The following ROBO2 variants were observed in gnomAD, a reference collection of about 807,000 sequenced individuals.
The protein encoded by ROBO2 is roundabout homolog 2.
ROBO2 carries 53 observed loss-of-function variants against 160.8 expected under a neutral mutation model. The ratio of observed to expected loss-of-function variants is 0.33; its 90% CI spans 0.26 to 0.41. The LOEUF (loss-of-function observed/expected upper bound fraction) is 0.41, where lower values mean the gene tolerates loss of function less well. ROBO2 is among the 10% of genes least tolerant of loss of function. The pLI is 1.00. For synonymous variants in ROBO2, 664 were observed against 611.7 expected (o/e 1.09, Z -1.26); for missense variants, 1,577 against 1,722.4 (o/e 0.92, Z 1.49).
chr3:76,628,063 TAA>T (rs1165823064), intron 2 of ROBO2, among the ~76,000 whole-genome samples: 1 of 151,716 alleles, frequency 6.6e-6, no homozygotes, highest in Non-Finnish European at 1.5e-5. Flanking sequence ...ACTTAAGTCA[TAA>T]AAAAATAAAG....
At chr3:76,178,775 C>T (rs2073321123) in intron 2 of ROBO2, among the ~76,000 whole-genome samples, 1 of 152,018 alleles carries the variant, frequency 6.6e-6, no homozygotes, top group Admixed American at 6.6e-5. Context: ...AACCCTGTCT[C>T]TACTAAAAGT....
At chr3:77,035,141 G>A (rs554351813), upstream of ROBO2, among the ~76,000 whole-genome samples, 63 of 151,878 alleles carry the variant, frequency 4.1e-4, no homozygotes, top group South Asian at 0.013. Flanking sequence ...ATAGATGAGA[G>A]GTTATCATCT....
chr3:77,391,773 G>C (rs1203340037), intron 2 of ROBO2, among the ~76,000 whole-genome samples: 1 of 152,024 alleles, frequency 6.6e-6, no homozygotes, highest in African/African-American at 2.4e-5. Flanking sequence ...TGCCCAGGCT[G>C]GTCTTGAACT....
At chr3:76,488,198 C>T (rs967204781) in intron 2 of ROBO2, among the ~76,000 whole-genome samples, 2 of 152,106 alleles carry the variant, frequency 1.3e-5, no homozygotes, top group African/African-American at 2.4e-5. Context: ...CTCACAGATT[C>T]CGTGGGTCAG....
At chr3:77,529,742 C>T (rs2091484244) in intron 6 of ROBO2, among the ~76,000 whole-genome samples, 1 of 151,850 alleles carries the variant, frequency 6.6e-6, no homozygotes, top group South Asian at 2.1e-4. Context: ...AGCTTCTTGA[C>T]ACATTGTACT....
rs78130334 is a variant in ROBO2 at position 76,741,385 on chromosome 3, T to A, written c.110-356629T>A. 1.6e-3 allele frequency among the ~76,000 whole-genome samples: 248 copies of A among 152,208 alleles called. 6 individuals are homozygous for A. In the East Asian group the frequency reaches 0.046, roughly 28 times the overall value. On this transcript the variant is annotated intron_variant, in intron 2 of 26. Transcript: ENST00000487694. ...TTTTATGTGCTCAGATTTTAAATAT[T>A]TATGTGCCTAATCATTATTAAAGTA...
chr3:76,852,191 A>G (rs1293259663), intron 2 of ROBO2, among the ~76,000 whole-genome samples: 2 of 152,186 alleles, frequency 1.3e-5, no homozygotes, highest in Non-Finnish European at 2.9e-5. Flanking sequence ...CTTCCCTTTA[A>G]AAACTGGAGA....
intron 2 of ROBO2, among the ~76,000 whole-genome samples, chr3:76,742,784 C>G (rs1025927598): frequency 6.6e-6 from 1 of 151,094 alleles, no homozygotes; most frequent in African/African-American, 2.4e-5. Context: ...ACACACACAC[C>G]CACACACACA....
intron 2 of ROBO2, among the ~76,000 whole-genome samples, chr3:76,087,352 G>T (rs1287912012): frequency 6.6e-6 from 1 of 151,996 alleles, no homozygotes; most frequent in African/African-American, 2.4e-5. Flanking sequence ...AGCAAGAAGA[G>T]AATGGGTTTA....
rs182600667 is a variant in ROBO2, at chr3:77,204,309, T to A, written c.388+105969T>A. Reference sequence around the variant, plus strand: ...TGCATGCAACTAAAATATGTTACTTTTTTTTTAGCAAAATATGCTACTTTT... The same window carrying A: ...TGCATGCAACTAAAATATGTTACTTATTTTTTAGCAAAATATGCTACTTTT... On this transcript the variant is annotated intron_variant, in intron 2 of 25. Transcript: ENST00000461745. Among the ~76,000 whole-genome samples the A allele has an allele frequency of 3.2e-3, 491 of 152,262 alleles. 2 individuals carry two copies. The highest frequency in any genetic ancestry group is 0.01 in the Middle Eastern group (3 of 294).
At chr3:76,793,842 A>T (rs1215272094) in intron 2 of ROBO2, among the ~76,000 whole-genome samples, 1 of 151,894 alleles carries the variant, frequency 6.6e-6, no homozygotes, top group Non-Finnish European at 1.5e-5. Context: ...TCACAGAAAC[A>T]TTGCAAGTAA....
At chr3:76,934,447 G>A (rs57304260) in intron 2 of ROBO2, among the ~76,000 whole-genome samples, 61,913 of 150,754 alleles carry the variant, frequency 0.41, 12,737 homozygotes, top group South Asian at 0.49. Context: ...TTCAATTAAA[G>A]AAAAAAAAAC....
chr3:77,569,811 A>G (rs2093592235), intron 13 of ROBO2, among the ~76,000 whole-genome samples: 2 of 151,932 alleles, frequency 1.3e-5, no homozygotes, highest in African/African-American at 4.8e-5. Flanking sequence ...TTATTGGTTT[A>G]TGAGTACAAA....
At chr3:76,055,080 G>C (rs2067789171) in intron 2 of ROBO2, among the ~76,000 whole-genome samples, 1 of 152,182 alleles carries the variant, frequency 6.6e-6, no homozygotes, top group African/African-American at 2.4e-5. Flanking sequence ...ATGGCTGAAG[G>C]CGAATGAGGA....
chr3:75,990,969 T>G (rs2065550027), intron 2 of ROBO2, among the ~76,000 whole-genome samples: 1 of 152,132 alleles, frequency 6.6e-6, no homozygotes, highest in South Asian at 2.1e-4. Context: ...GTAGACTAAG[T>G]GTGAATTTGC....
chr3:77,478,871 A>C (rs1159546823), intron 3 of ROBO2, among the ~76,000 whole-genome samples: 1 of 152,132 alleles, frequency 6.6e-6, no homozygotes, highest in East Asian at 1.9e-4. Flanking sequence ...AGAGGCAAAG[A>C]TATTTTTTCC....
At chr3:77,572,366 T>G (rs568723414) in intron 13 of ROBO2, among the ~76,000 whole-genome samples, 235 of 152,138 alleles carry the variant, frequency 1.5e-3, no homozygotes, top group African/African-American at 5.4e-3. Context: ...ACTTTTCGCC[T>G]CTTGGTTGCC....
intron 2 of ROBO2, among the ~76,000 whole-genome samples, chr3:76,205,872 A>G (rs1702777861): frequency 6.6e-6 from 1 of 152,178 alleles, no homozygotes; most frequent in Non-Finnish European, 1.5e-5. Flanking sequence ...GGGGTGACAC[A>G]CTAGCATCTG....
At chr3:77,600,523 T>C (rs945470287) in intron 19 of ROBO2, among the ~76,000 whole-genome samples, 1 of 152,190 alleles carries the variant, frequency 6.6e-6, no homozygotes, top group Non-Finnish European at 1.5e-5. Flanking sequence ...CACACAGCCA[T>C]TTGAAAAGCT....
Sources: allele counts gnomAD v4.1 joint callset (sites outside exome capture counted in the v4.1 genomes callset), GRCh38; gene constraint gnomAD v4.1.1; transcripts MANE v1.5; gene names NCBI Gene and HGNC (gene_info 2026-07-23, HGNC 2026-07-21).